The following STRBP variants were observed in gnomAD, a reference collection of about 807,000 sequenced individuals.
STRBP encodes spermatid perinuclear RNA binding protein.
In STRBP, 13 loss-of-function variants were observed where a neutral mutation model predicts 80.1. That is an observed-to-expected ratio of 0.16 (90% CI 0.11 to 0.26). The LOEUF (loss-of-function observed/expected upper bound fraction) is 0.26. Among genes scored for constraint, STRBP ranks in the 10% least tolerant of loss-of-function variants. The pLI is 1.00. For missense variants in STRBP, 485 were observed against 815.2 expected (o/e 0.59, Z 4.93); for synonymous variants, 284 against 291.2 (o/e 0.98, Z 0.25).
At chr9:123,200,166 G>A (rs576644656) in intron 2 of STRBP, among the ~76,000 whole-genome samples, 1 of 152,088 alleles carries the variant, frequency 6.6e-6, no homozygotes, top group African/African-American at 2.4e-5. Flanking sequence ...TTTATGTGCT[G>A]TATCACATTT....
intron 2 of STRBP, among the ~76,000 whole-genome samples, chr9:123,229,416 T>G (rs1452067044): frequency 6.6e-6 from 1 of 152,226 alleles, no homozygotes; most frequent in Non-Finnish European, 1.5e-5. Flanking sequence ...AGACTACTTC[T>G]AGATGTTTCA....
intron 2 of STRBP, among the ~76,000 whole-genome samples, chr9:123,210,815 C>G (rs953430940): frequency 3.8e-5 from 5 of 130,398 alleles, no homozygotes; most frequent in African/African-American, 1.7e-4. Flanking sequence ...GGCAACAGAG[C>G]AAGAATCCGT....
chr9:123,268,009 A>G (rs1588172757), intron 1 of STRBP, among the ~76,000 whole-genome samples: 1 of 120,088 alleles, frequency 8.3e-6, no homozygotes, highest in Admixed American at 8.3e-5. Flanking sequence ...ATCTGCCCAC[A>G]CCTTCCGCCT....
chr9:123,114,858 C>T, intron 3 of STRBP: 1 of 276,568 alleles, frequency 3.6e-6, no homozygotes, highest in South Asian at 4.4e-5. Flanking sequence ...ATCTTCCCGT[C>T]CCTACCCAAT....
At chr9:123,179,271 ATCACCTG>A (rs1471779439) in intron 3 of STRBP, 44 bp from the exon 4 acceptor site, 1 of 1,522,092 alleles carries the variant, frequency 6.6e-7, no homozygotes, top group Admixed American at 1.7e-5. Flanking sequence ...CAAAAGAAAC[ATCACCTG>A]AAAAAGATGA....
At chr9:123,170,900 A>T (rs2132428111) in intron 5 of STRBP, among the ~76,000 whole-genome samples, 1 of 152,214 alleles carries the variant, frequency 6.6e-6, no homozygotes, top group East Asian at 1.9e-4. Context: ...CTGAATAGGG[A>T]CACTACCAAG....
intron 2 of STRBP, among the ~76,000 whole-genome samples, chr9:123,205,291 T>C (rs2039475282): frequency 6.6e-6 from 1 of 152,074 alleles, no homozygotes; most frequent in Non-Finnish European, 1.5e-5. Context: ...TCAAATATTC[T>C]CTGTCCTCCT....
At chr9:123,158,577 G>A (rs548154114) in intron 9 of STRBP, 148 bp from the exon 10 acceptor site, 243 of 654,208 alleles carry the variant, frequency 3.7e-4, no homozygotes, top group Non-Finnish European at 5.4e-4. Context: ...GTTAAGTGGA[G>A]TAAAAAGGAC....
intron 11 of STRBP, among the ~76,000 whole-genome samples, chr9:123,157,028 C>A (rs2037316946): frequency 6.6e-6 from 1 of 151,810 alleles, no homozygotes; most frequent in African/African-American, 2.4e-5. Flanking sequence ...GGACAAGAGT[C>A]AAAAAAATAA....
rs1308899925 is a variant in STRBP at position 123,114,987 on chromosome 9, T to C, written c.*84+942A>G. ...GCCAATGGCAACAGCCTCTTGCTCA[T>C]CAGCCTTGCCTCCTGACTCTGGTCC... On this transcript the variant is annotated intron_variant and NMD_transcript_variant, in intron 3 of 3. Transcript: ENST00000471564. 8 of 354,894 alleles carry C rather than the reference T, an allele frequency of 2.3e-5. No homozygotes were observed. In the Admixed American group the frequency reaches 3.1e-4, roughly 14 times the overall value. The allele number at this position is 354,894 out of a possible 1,614,324, so 22.0% of individuals were successfully genotyped here.
chr9:123,126,054 A>G lies in STRBP; in HGVS notation c.1943-381T>C, dbSNP rs1002533626. Among the ~76,000 whole-genome samples, 2 of 152,370 alleles carry G rather than the reference A, an allele frequency of 1.3e-5. No homozygotes were observed. Among genetic ancestry groups the G allele is most frequent in the East Asian group, 3.9e-4 (2 of 5,194 alleles). ...GGAGAAACGGGTTGTCAAGGTTCAAAGCATAGCTTTCCATGCAGACCTCAG... is the reference window on the plus strand; with the variant it reads ...GGAGAAACGGGTTGTCAAGGTTCAAGGCATAGCTTTCCATGCAGACCTCAG... On this transcript the variant is annotated intron_variant, in intron 18 of 18. Coordinates refer to ENST00000348403, the MANE Select transcript of STRBP (RefSeq NM_018387.5). The surrounding 1 kb of genome is among the most constrained non-coding windows in gnomAD (Gnocchi z 4.4).
intron 8 of STRBP, 67 bp from the exon 9 acceptor site, chr9:123,159,274 G>A (rs1449433512): frequency 2.6e-6 from 3 of 1,151,128 alleles, no homozygotes; most frequent in African/African-American, 3.1e-5. Context: ...TTAAATGTGA[G>A]CTAACATTTC....
chr9:123,212,157 T>C (rs2039732500), intron 2 of STRBP, among the ~76,000 whole-genome samples: 1 of 152,062 alleles, frequency 6.6e-6, no homozygotes, highest in African/African-American at 2.4e-5. Context: ...AGCCACTTAA[T>C]AAATAAATGC....
At chr9:123,199,284 C>G (rs2039222913) in intron 2 of STRBP, among the ~76,000 whole-genome samples, 1 of 152,178 alleles carries the variant, frequency 6.6e-6, no homozygotes. Flanking sequence ...TAACTGTATC[C>G]TCGTAGTACA....
chr9:123,264,402 A>AT (rs752277083), intron 1 of STRBP, among the ~76,000 whole-genome samples: 1 of 152,250 alleles, frequency 6.6e-6, no homozygotes, highest in Non-Finnish European at 1.5e-5. Context: ...TCTCTTTCAC[A>AT]TAAGTTTCAT....
intron 1 of STRBP, among the ~76,000 whole-genome samples, chr9:123,267,987 A>G (rs1382707672): frequency 7.5e-6 from 1 of 133,618 alleles, no homozygotes; most frequent in African/African-American, 2.9e-5. Flanking sequence ...CTGCACCCCT[A>G]TTTACCCCCA....
chr9:123,130,339 G>T (rs541273080), intron 17 of STRBP, among the ~76,000 whole-genome samples: 1 of 151,986 alleles, frequency 6.6e-6, no homozygotes, highest in Non-Finnish European at 1.5e-5. Flanking sequence ...ATCTTGTCTC[G>T]GCCATAAAAT....
intron 1 of STRBP, among the ~76,000 whole-genome samples, chr9:123,260,511 T>C (rs188062101): frequency 6.8e-4 from 104 of 152,300 alleles, no homozygotes; most frequent in Non-Finnish European, 1.2e-3. Flanking sequence ...AGAGAGTAAA[T>C]AATATGCTTA....
intron 1 of STRBP, among the ~76,000 whole-genome samples, chr9:123,256,800 C>T (rs2041041271): frequency 6.6e-6 from 1 of 151,972 alleles, no homozygotes; most frequent in African/African-American, 2.4e-5. Flanking sequence ...AACTGCGCAT[C>T]CTTCAGATAT....
Sources: allele counts gnomAD v4.1 joint callset (sites outside exome capture counted in the v4.1 genomes callset), GRCh38; gene constraint gnomAD v4.1.1; non-coding constraint Gnocchi (gnomAD v3.1); transcripts MANE v1.5; gene names NCBI Gene and HGNC (gene_info 2026-07-23, HGNC 2026-07-21).